Variants in ABI3BP observed in about 807,000 individuals in gnomAD.
ABI3BP encodes ABI family member 3 binding protein.
A neutral mutation model predicts 268.6 loss-of-function variants in ABI3BP; 216 were observed. That is an observed-to-expected ratio of 0.80 (90% CI 0.72 to 0.90). The LOEUF (loss-of-function observed/expected upper bound fraction) is 0.90. ABI3BP is among the 40% of genes least tolerant of loss of function. The pLI, the probability that ABI3BP is intolerant of heterozygous loss-of-function variation, is 0.00. For missense variants in ABI3BP, 2,090 were observed against 2,182.4 expected (o/e 0.96, Z 0.84); for synonymous variants, 730 against 730.0 (o/e 1.00, Z 0.00).
intron 57 of ABI3BP, 105 bp from the exon 58 acceptor site, chr3:100,780,314 A>G (rs938162537): frequency 6.5e-6 from 7 of 1,071,398 alleles, no homozygotes; most frequent in African/African-American, 1.6e-5. Flanking sequence ...GAGCAGGAGC[A>G]TTGGTGTTTT....
chr3:100,947,538 A>C (rs1288577514), intron 1 of ABI3BP, among the ~76,000 whole-genome samples: 1 of 152,150 alleles, frequency 6.6e-6, no homozygotes, highest in African/African-American at 2.4e-5. Context: ...CTTCACTCAA[A>C]ACTCTGAACT....
At chr3:100,759,362 G>A (rs1187495999) in intron 63 of ABI3BP, among the ~76,000 whole-genome samples, 1 of 152,162 alleles carries the variant, frequency 6.6e-6, no homozygotes, top group Non-Finnish European at 1.5e-5. Context: ...AAGGATTATG[G>A]TAAGCATTTC....
chr3:100,935,569 A>C (rs556077355), intron 1 of ABI3BP, among the ~76,000 whole-genome samples: 10 of 152,290 alleles, frequency 6.6e-5, no homozygotes, highest in Non-Finnish European at 1.5e-4. Flanking sequence ...TACTTTGGGC[A>C]GTATGGCCAT....
intron 52 of ABI3BP, 131 bp from the exon 53 acceptor site, chr3:100,795,982 A>T: frequency 3.2e-6 from 2 of 633,794 alleles, no homozygotes; most frequent in South Asian, 4.9e-5. Context: ...AATAAATAAG[A>T]GAAAATTCTT....
chr3:100,914,956 C>G (rs1208585559), intron 2 of ABI3BP, among the ~76,000 whole-genome samples: 1 of 152,302 alleles, frequency 6.6e-6, no homozygotes, highest in Non-Finnish European at 1.5e-5. Context: ...GCATGCATTT[C>G]ACCCACGGCT....
intron 2 of ABI3BP, among the ~76,000 whole-genome samples, chr3:100,910,176 A>G (rs1339069826): frequency 1.3e-5 from 2 of 152,136 alleles, no homozygotes; most frequent in East Asian, 3.9e-4. Context: ...ACCAAACGCC[A>G]CATGTTCTCA....
In ABI3BP at chr3:100,847,645, T is replaced by C. The variant is rs367555427; in HGVS notation, c.1605A>G (p.Thr535=). The change falls in exon 19 of 68, where the codon ACA becomes ACG. Residue 535 remains threonine (T), a synonymous_variant. Coordinates refer to ENST00000471714, the MANE Select transcript of ABI3BP (RefSeq NM_001375547.2). ...PERTTSAGTI[T]PKISKSPEPT... ...GTTCAGGGCTTTTAGAAATTTTAGG[T>C]GTAATTGTTCCGGCACTTGTGGTTC... 188 of 1,613,698 alleles carry C rather than the reference T, an allele frequency of 1.2e-4. No individual in the cohort carries two copies. The African/African-American group carries it at 2.2e-3, about 19-fold the overall frequency.
Position 100,971,175 on chromosome 3 carries a change from C to T in ABI3BP, c.79+22131G>A, listed in dbSNP as rs144632586. ...AGGAATTTCTGCAGTGAAGACATTG[C>T]TTGGTACATTTTCCAGGACCCAGTT... On this transcript the variant is annotated intron_variant, in intron 1 of 67. Transcript: ENST00000471714. Among the ~76,000 whole-genome samples, 784 of 152,268 alleles carry T rather than the reference C, an allele frequency of 5.1e-3. 7 individuals carry two copies. The highest frequency in any genetic ancestry group is 0.016 in the African/African-American group (662 of 41,544).
At chr3:100,784,217 G>GC (rs2096956750) in intron 57 of ABI3BP, among the ~76,000 whole-genome samples, 1 of 152,126 alleles carries the variant, frequency 6.6e-6, no homozygotes, top group South Asian at 2.1e-4. Context: ...TAGTCCTTAG[G>GC]CCTCAGAATC....
intron 1 of ABI3BP, among the ~76,000 whole-genome samples, chr3:100,980,923 C>T (rs2089059622): frequency 6.6e-6 from 1 of 152,172 alleles, no homozygotes; most frequent in Admixed American, 6.5e-5. Context: ...CAAACTCCAA[C>T]TACAATAGAA....
intron 22 of ABI3BP, 80 bp from the exon 23 acceptor site, chr3:100,840,244 G>T: frequency 9.0e-7 from 1 of 1,114,862 alleles, no homozygotes; most frequent in Non-Finnish European, 1.2e-6. Flanking sequence ...CATCTTAGAA[G>T]GACATTTAAA....
intron 14 of ABI3BP, among the ~76,000 whole-genome samples, chr3:100,852,778 A>C (rs1033472004): frequency 6.6e-6 from 1 of 152,222 alleles, no homozygotes; most frequent in African/African-American, 2.4e-5. Context: ...TGTACAAAGG[A>C]AAGTAGTATG....
intron 1 of ABI3BP, among the ~76,000 whole-genome samples, chr3:100,967,012 T>G (rs1487480266): frequency 6.6e-6 from 1 of 152,154 alleles, no homozygotes; most frequent in Non-Finnish European, 1.5e-5. Flanking sequence ...TGTTTTTGAT[T>G]AGCAGTGTAA....
intron 14 of ABI3BP, among the ~76,000 whole-genome samples, chr3:100,859,559 G>A (rs1408145661): frequency 6.6e-6 from 1 of 151,796 alleles, no homozygotes; most frequent in Non-Finnish European, 1.5e-5. Flanking sequence ...AACTAAATGG[G>A]AAATAGAACA....
intron 1 of ABI3BP, among the ~76,000 whole-genome samples, chr3:100,949,802 G>A (rs1187926119): frequency 2.0e-5 from 3 of 152,128 alleles, no homozygotes; most frequent in Non-Finnish European, 2.9e-5. Flanking sequence ...AAGGAGTGGC[G>A]TTTTGAAGAA....
intron 2 of ABI3BP, 52 bp downstream of exon 2, chr3:100,926,250 C>T (rs918755655): frequency 4.5e-6 from 7 of 1,571,474 alleles, no homozygotes; most frequent in African/African-American, 1.4e-5. Flanking sequence ...CATGTTACAC[C>T]CCCCCACCTC....
intron 53 of ABI3BP, 142 bp from the exon 54 acceptor site, chr3:100,795,145 T>C: frequency 1.7e-6 from 1 of 575,752 alleles, no homozygotes; most frequent in East Asian, 3.1e-5. Flanking sequence ...TTCAGAAAAA[T>C]GACTGCGGAA....
At chr3:100,905,816 T>G (rs2053162301) in intron 2 of ABI3BP, among the ~76,000 whole-genome samples, 1 of 152,146 alleles carries the variant, frequency 6.6e-6, no homozygotes, top group African/African-American at 2.4e-5. Flanking sequence ...TGCTAATAAT[T>G]TTAAATTTTT....
At position 100,928,751 on chromosome 3, in the gene ABI3BP, C is replaced by T. The variant is rs764733006; in HGVS notation, c.80-2270G>A. ...ATTCCTCCAAATGAGGAAATTGAGG[C>T]GCCCAGCACGTTAAAAGTGGGTCAA... On this transcript the variant is annotated intron_variant, in intron 1 of 67. Transcript: ENST00000471714. Among the ~76,000 whole-genome samples, 6 of 151,978 alleles carry T rather than the reference C, an allele frequency of 3.9e-5. No individual in the cohort carries two copies. The South Asian group carries it at 8.3e-4, about 21-fold the overall frequency.
Sources: gnomAD v4.1 joint callset for allele counts (sites outside exome capture counted in the v4.1 genomes callset) on GRCh38, gnomAD v4.1.1 for gene constraint, MANE v1.5 for transcripts, NCBI Gene and HGNC (gene_info 2026-07-23, HGNC 2026-07-21) for gene names.